The following MAN1A2 variants were observed in gnomAD, a reference collection of about 807,000 sequenced individuals.
The protein encoded by MAN1A2 is mannosyl-oligosaccharide 1,2-alpha-mannosidase IB.
In MAN1A2, 26 loss-of-function variants were observed where a neutral mutation model predicts 75.7. The ratio of observed to expected loss-of-function variants is 0.34; its 90% CI spans 0.25 to 0.48. The LOEUF is 0.48. Among genes scored for constraint, MAN1A2 ranks in the 20% least tolerant of loss-of-function variants. MAN1A2 has a pLI of 0.99. For missense variants in MAN1A2, 562 were observed against 775.5 expected (o/e 0.72, Z 3.27); for synonymous variants, 247 against 264.6 (o/e 0.93, Z 0.65).
Position 117,512,542 on chromosome 1 carries a change from C to T in MAN1A2, c.1793+9572C>T, listed in dbSNP as rs138152617. ...CTGACATCTGTGACCCAGTAAAACA[C>T]TTATGGAGACAATTAGGGATTAAGA... On this transcript the variant is annotated intron_variant, in intron 12 of 12. Coordinates refer to ENST00000356554, the MANE Select transcript of MAN1A2 (RefSeq NM_006699.5). 7.8e-3 allele frequency among the ~76,000 whole-genome samples: 1,185 copies of T among 152,086 alleles called. 7 individuals carry two copies. Among genetic ancestry groups the T allele is most frequent in the African/African-American group, 0.027 (1,130 of 41,484 alleles).
At chr1:117,422,022 A>G (rs1304271015) in intron 5 of MAN1A2, among the ~76,000 whole-genome samples, 1 of 152,076 alleles carries the variant, frequency 6.6e-6, no homozygotes, top group African/African-American at 2.4e-5. Flanking sequence ...GCTTATAGGA[A>G]TAAAATCATT....
At chr1:117,384,378 T>C (rs1653451805) in intron 1 of MAN1A2, among the ~76,000 whole-genome samples, 1 of 152,228 alleles carries the variant, frequency 6.6e-6, no homozygotes, top group South Asian at 2.1e-4. Context: ...GTTAAGAGTG[T>C]GTTGTTTAAT....
intron 5 of MAN1A2, among the ~76,000 whole-genome samples, chr1:117,442,006 T>G (rs1331440122): frequency 2.0e-5 from 3 of 152,176 alleles, no homozygotes; most frequent in Non-Finnish European, 2.9e-5. Context: ...TCCTTTTCAA[T>G]TAATTGTTGT....
At position 117,368,282 on chromosome 1, in the gene MAN1A2, T is replaced by C. The variant is rs1652837063; in HGVS notation, c.99T>C (p.Leu33=). The part of the protein sequence containing the change: ...SFPHHRATLR[L]SEKFILLLIL... ...CACATCACAGGGCTACCTTGAGACT[T>C]TCTGAGAAGTTTATTCTTCTCCTTA... The change falls in exon 1 of 13, where the codon CTT becomes CTC. Residue 33 remains leucine, a synonymous_variant. Transcript: ENST00000356554. 1 of 1,614,060 alleles carries C rather than the reference T, an allele frequency of 6.2e-7. No individual in the cohort carries two copies. The highest frequency in any genetic ancestry group is 8.5e-7 in the Non-Finnish European group (1 of 1,180,030).
chr1:117,482,403 T>G (rs1650526960), intron 8 of MAN1A2, among the ~76,000 whole-genome samples: 1 of 152,036 alleles, frequency 6.6e-6, no homozygotes, highest in Non-Finnish European at 1.5e-5. Context: ...TTTTAATGAT[T>G]GCCATTCTAA....
At chr1:117,426,127 T>C (rs1648364301) in intron 5 of MAN1A2, among the ~76,000 whole-genome samples, 2 of 152,152 alleles carry the variant, frequency 1.3e-5, no homozygotes, top group Admixed American at 6.5e-5. Flanking sequence ...GTCAACACTT[T>C]AGAAATGTCA....
chr1:117,435,823 C>T (rs949471183), intron 5 of MAN1A2, among the ~76,000 whole-genome samples: 19 of 152,046 alleles, frequency 1.2e-4, no homozygotes, highest in South Asian at 2.1e-4. Flanking sequence ...TTTGGGAGGC[C>T]GAGGCGGGCG....
intron 1 of MAN1A2, among the ~76,000 whole-genome samples, chr1:117,379,859 A>G (rs532943946): frequency 2.2e-4 from 33 of 152,170 alleles, no homozygotes; most frequent in African/African-American, 7.2e-4. Flanking sequence ...CATTGTTTGT[A>G]TATATGTGAT....
At position 117,526,244 on chromosome 1, in the gene MAN1A2, G is replaced by C. The variant is rs1652016275; in HGVS notation, c.*3287G>C. 1.3e-5 allele frequency: 2 copies of C among 151,806 alleles called. No homozygotes were observed. The highest frequency in any genetic ancestry group is 4.8e-5 in the African/African-American group (2 of 41,388). 9.4% of individuals were successfully genotyped at this position (151,806 alleles called of 1,614,324 possible). On this transcript the variant is annotated 3_prime_UTR_variant, in exon 13 of 13. Transcript: ENST00000356554. ...AACATTTATGAAGTATCTAACATGT[G>C]CCAAGCATTGTGCCTGGCACTTTCA... is the stretch of plus-strand genomic sequence containing the variant.
At chr1:117,449,250 C>T (rs1649329941) in intron 6 of MAN1A2, among the ~76,000 whole-genome samples, 1 of 152,104 alleles carries the variant, frequency 6.6e-6, no homozygotes, top group African/African-American at 2.4e-5. Flanking sequence ...TAGCATGTCT[C>T]TCACTTTAAA....
Position 117,428,621 on chromosome 1 carries a change from A to G in MAN1A2, c.855+7972A>G, listed in dbSNP as rs189671877. ...ACATAAAAGCAAGACCAAACTATTC[A>G]CAGTCTAAAAAAGACACACTTAATA... On this transcript the variant is annotated intron_variant, in intron 5 of 12. Coordinates refer to ENST00000356554, the MANE Select transcript of MAN1A2 (RefSeq NM_006699.5). Among the ~76,000 whole-genome samples the G allele has an allele frequency of 7.2e-4, 109 of 152,232 alleles. 1 individual carries two copies. Among genetic ancestry groups the G allele is most frequent in the African/African-American group, 2.6e-3 (108 of 41,536 alleles).
chr1:117,385,800 T>C (rs1653504732), intron 1 of MAN1A2, among the ~76,000 whole-genome samples: 1 of 149,382 alleles, frequency 6.7e-6, no homozygotes, highest in Non-Finnish European at 1.5e-5. Flanking sequence ...GGTTATTAGG[T>C]TGCTTCAGAA....
chr1:117,429,404 C>G (rs1460605065), intron 5 of MAN1A2, among the ~76,000 whole-genome samples: 2 of 128,096 alleles, frequency 1.6e-5, no homozygotes, highest in African/African-American at 6.0e-5. Context: ...CCTCACCTCC[C>G]GGACGGGGCG....
chr1:117,461,867 C>T (rs796664122), intron 7 of MAN1A2, among the ~76,000 whole-genome samples: 1 of 151,974 alleles, frequency 6.6e-6, no homozygotes, highest in East Asian at 1.9e-4. Flanking sequence ...CAGTGGAACT[C>T]GAAAAGACAC....
At chr1:117,518,440 G>A (rs1219135234) in intron 12 of MAN1A2, among the ~76,000 whole-genome samples, 1 of 151,734 alleles carries the variant, frequency 6.6e-6, no homozygotes, top group Non-Finnish European at 1.5e-5. Flanking sequence ...GTTATGGATG[G>A]CCCACATCTT....
intron 12 of MAN1A2, among the ~76,000 whole-genome samples, chr1:117,512,928 A>G (rs1236784535): frequency 6.6e-6 from 1 of 152,164 alleles, no homozygotes; most frequent in African/African-American, 2.4e-5. Flanking sequence ...TAATGTAGCA[A>G]TACACAATAA....
intron 7 of MAN1A2, among the ~76,000 whole-genome samples, chr1:117,463,193 A>C (rs1195125173): frequency 6.6e-6 from 1 of 151,840 alleles, no homozygotes; most frequent in Non-Finnish European, 1.5e-5. Context: ...GCAATAAAAG[A>C]AGGAAAAAAT....
intron 3 of MAN1A2, among the ~76,000 whole-genome samples, chr1:117,411,279 T>G (rs893822924): frequency 6.6e-6 from 1 of 151,770 alleles, no homozygotes. Context: ...GAAATAGAAG[T>G]GTACATACAT....
At position 117,522,997 on chromosome 1, in the gene MAN1A2, T is replaced by C. The variant is rs1241640356; in HGVS notation, c.*40T>C. The C allele has an allele frequency of 5.6e-6, 9 of 1,606,232 alleles. No individual in the cohort carries two copies. Among genetic ancestry groups the C allele is most frequent in the Non-Finnish European group, 7.6e-6 (9 of 1,176,924 alleles). On this transcript the variant is annotated 3_prime_UTR_variant, in exon 13 of 13. Transcript: ENST00000356554. ...GGACCATTCTCACCTGTGTTTTGTT[T>C]ACATGGACCACTACAGAAATTAGTT... is the stretch of plus-strand genomic sequence containing the variant.
Sources: allele counts gnomAD v4.1 joint callset (sites outside exome capture counted in the v4.1 genomes callset), GRCh38; gene constraint gnomAD v4.1.1; transcripts MANE v1.5; gene names NCBI Gene and HGNC (gene_info 2026-07-23, HGNC 2026-07-21).